The following CLDN16 variants were observed in gnomAD, a reference collection of about 807,000 sequenced individuals.
CLDN16 encodes the protein claudin-16.
CLDN16 carries 13 observed loss-of-function variants against 24.6 expected under a neutral mutation model. The observed-to-expected ratio is 0.53, with a 90% CI of 0.34 to 0.84. The LOEUF is 0.84. Among genes scored for constraint, CLDN16 ranks in the 40% least tolerant of loss-of-function variants. The pLI, the probability that CLDN16 is intolerant of heterozygous loss-of-function variation, is 0.01. For missense variants in CLDN16, 298 were observed against 292.7 expected (o/e 1.02, Z -0.13); for synonymous variants, 116 against 106.7 (o/e 1.09, Z -0.54).
rs1326251120 is a variant in CLDN16 at position 190,388,575 on chromosome 3, T to C, written c.114+132T>C. ...AAAAATAGGCAACATGGACTATTTATTGAGTCTTTACATTATTAGCTCATT... is the reference window on the plus strand; with the variant it reads ...AAAAATAGGCAACATGGACTATTTACTGAGTCTTTACATTATTAGCTCATT... On this transcript the variant is annotated intron_variant, in intron 1 of 4. Coordinates refer to ENST00000264734, the MANE Select transcript of CLDN16 (RefSeq NM_006580.4). The C allele has an allele frequency of 3.8e-6, 3 of 796,314 alleles. No individual in the cohort carries two copies. In the African/African-American group the frequency reaches 5.0e-5, roughly 13 times the overall value. 49.3% of individuals were successfully genotyped at this position (796,314 alleles called of 1,614,324 possible).
chr3:190,348,399 A>G (rs183120493), intron 1 of CLDN16, among the ~76,000 whole-genome samples: 231 of 151,128 alleles, frequency 1.5e-3, no homozygotes, highest in Non-Finnish European at 2.1e-3. Context: ...TTTCTTACAA[A>G]GATATACACA....
the CLDN16 span, among the ~76,000 whole-genome samples, chr3:190,311,417 G>A: frequency 6.6e-6 from 1 of 152,096 alleles, no homozygotes; most frequent in African/African-American, 2.4e-5. Flanking sequence ...CTGAGAGACT[G>A]GTCATTTTAA....
At chr3:190,357,671 T>A (rs1717804357) in intron 1 of CLDN16, among the ~76,000 whole-genome samples, 1 of 151,982 alleles carries the variant, frequency 6.6e-6, no homozygotes, top group Non-Finnish European at 1.5e-5. Flanking sequence ...GTATGTTGAC[T>A]GTGTTTTTCC....
the CLDN16 span, among the ~76,000 whole-genome samples, chr3:190,297,705 T>C: frequency 7.1e-6 from 1 of 140,706 alleles, no homozygotes; most frequent in Non-Finnish European, 1.5e-5. Context: ...ATATATAAAA[T>C]ATATATTACA....
At chr3:190,388,132 A>AC (rs1560093636), upstream of CLDN16, 1 of 1,613,760 alleles carries the variant, frequency 6.2e-7, no homozygotes, top group Non-Finnish European at 8.5e-7. Flanking sequence ...GACCTCCAGG[A>AC]CCCCACTGTT....
the CLDN16 span, among the ~76,000 whole-genome samples, chr3:190,292,392 G>T: frequency 6.6e-6 from 1 of 152,134 alleles, no homozygotes; most frequent in Non-Finnish European, 1.5e-5. Context: ...AAGTTTCAAG[G>T]CTGTATACAG....
At chr3:190,329,005 C>A (rs893249612) in intron 1 of CLDN16, among the ~76,000 whole-genome samples, 15 of 152,068 alleles carry the variant, frequency 9.9e-5, no homozygotes, top group Admixed American at 2.0e-4. Flanking sequence ...TAGTGCACAA[C>A]GTAAATAGTT....
At chr3:190,297,518 GTA>G in the CLDN16 span, among the ~76,000 whole-genome samples, 110 of 137,012 alleles carry the variant, frequency 8.0e-4, 1 homozygote, top group African/African-American at 1.6e-3. Context: ...ATATAGATAT[GTA>G]TATATATATT....
At chr3:190,339,963 A>G (rs1717391744) in intron 1 of CLDN16, among the ~76,000 whole-genome samples, 1 of 152,230 alleles carries the variant, frequency 6.6e-6, no homozygotes, top group East Asian at 1.9e-4. Flanking sequence ...AAGATTATAC[A>G]TCATAATCAA....
chr3:190,320,585 G>A (rs540283965), upstream of CLDN16, among the ~76,000 whole-genome samples: 1 of 152,298 alleles, frequency 6.6e-6, no homozygotes, highest in African/African-American at 2.4e-5. Context: ...CATGCACATT[G>A]ACTGAGCAAA....
chr3:190,339,433 G>A (rs974210070), intron 1 of CLDN16, among the ~76,000 whole-genome samples: 17 of 152,330 alleles, frequency 1.1e-4, no homozygotes, highest in African/African-American at 3.8e-4. Context: ...CAAGCAGGGA[G>A]TGATGTGATT....
the CLDN16 span, among the ~76,000 whole-genome samples, chr3:190,303,529 G>A: frequency 6.6e-6 from 1 of 151,998 alleles, no homozygotes; most frequent in African/African-American, 2.4e-5. Context: ...TTTTGGAAAA[G>A]GGGAACAAAG....
rs758673667 is a variant in CLDN16 at position 190,408,477 on chromosome 3, T to A, written c.546T>A (p.Val182=). ...TGGGTTGCTTTTTGGCTGGAGCTGT[T>A]CTCACCTGCTGCTTATATCTTTTTA... ...GSLGCFLAGA[V]LTCCLYLFKD... The change falls in exon 4 of 5, where the codon GTT becomes GTA. Residue 182 remains valine (V), a synonymous_variant. Coordinates refer to ENST00000264734, the MANE Select transcript of CLDN16 (RefSeq NM_006580.4). The A allele has an allele frequency of 1.2e-6, 2 of 1,614,090 alleles. No individual in the cohort carries two copies. Among genetic ancestry groups the A allele is most frequent in the South Asian group, 2.2e-5 (2 of 91,074 alleles).
intron 2 of CLDN16, among the ~76,000 whole-genome samples, 184 bp downstream of exon 2, chr3:190,402,623 C>T (rs900345083): frequency 6.6e-6 from 1 of 152,064 alleles, no homozygotes; most frequent in Admixed American, 6.6e-5. Context: ...CACATTTTCT[C>T]TTTTCTCATA....
the CLDN16 span, chr3:190,310,371 T>A: frequency 3.5e-5 from 26 of 737,018 alleles, no homozygotes. Flanking sequence ...GTGTTGACAT[T>A]TTTATTTTGG....
intron 1 of CLDN16, among the ~76,000 whole-genome samples, chr3:190,364,035 G>A (rs1201688213): frequency 6.6e-6 from 1 of 151,724 alleles, no homozygotes; most frequent in Non-Finnish European, 1.5e-5. Context: ...GTAATCCTGA[G>A]TGAGGCTGTA....
At chr3:190,344,606 T>C (rs1379342693) in intron 1 of CLDN16, among the ~76,000 whole-genome samples, 3 of 152,000 alleles carry the variant, frequency 2.0e-5, no homozygotes, top group African/African-American at 7.2e-5. Flanking sequence ...TGTATACTTT[T>C]AGTCGACACT....
the CLDN16 span, among the ~76,000 whole-genome samples, chr3:190,293,088 T>A: frequency 6.6e-6 from 1 of 152,198 alleles, no homozygotes; most frequent in Admixed American, 6.5e-5. Flanking sequence ...GAAAAGATGT[T>A]TATTGGACTC....
chr3:190,405,881 A>G (rs1254051657), intron 3 of CLDN16, among the ~76,000 whole-genome samples: 1 of 152,212 alleles, frequency 6.6e-6, no homozygotes, highest in Non-Finnish European at 1.5e-5. Context: ...TCTGTCTTCA[A>G]CTTCAAAGCT....
Sources: allele counts gnomAD v4.1 joint callset (sites outside exome capture counted in the v4.1 genomes callset), GRCh38; gene constraint gnomAD v4.1.1; transcripts MANE v1.5; gene names NCBI Gene and HGNC (gene_info 2026-07-23, HGNC 2026-07-21).